ANKRD12: variants seen among roughly 807,000 people sequenced by gnomAD.
ANKRD12 encodes ankyrin repeat domain 12.
In ANKRD12, 85 loss-of-function variants were observed where a neutral mutation model predicts 183.4. The observed-to-expected ratio is 0.46, with a 90% CI of 0.39 to 0.56. The LOEUF is 0.56. Ranked by LOEUF, ANKRD12 falls within the 20% of genes least tolerant of loss-of-function variation. The pLI is 0.00. For synonymous variants in ANKRD12, 914 were observed against 800.2 expected, an observed-to-expected ratio of 1.14 and a Z score of -2.40; for missense variants, 2,405 against 2,357.1, an observed-to-expected ratio of 1.02 and a Z score of -0.42.
At chr18:9,161,807 A>G (rs1324763536) in intron 1 of ANKRD12, among the ~76,000 whole-genome samples, 8 of 151,990 alleles carry the variant, frequency 5.3e-5, no homozygotes, top group Non-Finnish European at 1.0e-4. Context: ...TAATTAACAC[A>G]TTCATTATCT....
chr18:9,146,378 G>C (rs2078493840), intron 1 of ANKRD12, among the ~76,000 whole-genome samples: 1 of 152,144 alleles, frequency 6.6e-6, no homozygotes, highest in African/African-American at 2.4e-5. Context: ...AAAATAGTGA[G>C]ACTCCATCTA....
chr18:9,252,151 GAACA>G (rs955080121), intron 8 of ANKRD12, among the ~76,000 whole-genome samples: 2 of 152,328 alleles, frequency 1.3e-5, no homozygotes, highest in African/African-American at 2.4e-5. Flanking sequence ...AAGAAAGGCA[GAACA>G]AACATTTTTT....
intron 10 of ANKRD12, among the ~76,000 whole-genome samples, chr18:9,267,811 C>CA (rs1445817052): frequency 6.6e-6 from 1 of 151,782 alleles, no homozygotes. Flanking sequence ...AAAAACCCTT[C>CA]AAAAAATCAA....
chr18:9,182,044 A>G (rs927413238), intron 1 of ANKRD12, among the ~76,000 whole-genome samples: 1 of 152,206 alleles, frequency 6.6e-6, no homozygotes, highest in African/African-American at 2.4e-5. Context: ...TTCCAAACCA[A>G]CACAAAACTA....
chr18:9,252,285 A>G (rs905966054), intron 8 of ANKRD12, among the ~76,000 whole-genome samples: 3 of 152,184 alleles, frequency 2.0e-5, no homozygotes, highest in African/African-American at 7.2e-5. Context: ...GTGAAATGGC[A>G]TCATGGAGGT....
At chr18:9,180,010 T>A (rs2033583618) in intron 1 of ANKRD12, among the ~76,000 whole-genome samples, 1 of 152,222 alleles carries the variant, frequency 6.6e-6, no homozygotes, top group Non-Finnish European at 1.5e-5. Flanking sequence ...GTTTTTCTGT[T>A]CTTATATAAT....
At chr18:9,169,307 A>C (rs1018335166) in intron 1 of ANKRD12, among the ~76,000 whole-genome samples, 7 of 152,036 alleles carry the variant, frequency 4.6e-5, no homozygotes, top group Admixed American at 4.6e-4. Context: ...CTAATGTTGA[A>C]AGTGGGGTGT....
At chr18:9,267,103 C>G (rs2039336339) in intron 10 of ANKRD12, among the ~76,000 whole-genome samples, 1 of 152,000 alleles carries the variant, frequency 6.6e-6, no homozygotes, top group African/African-American at 2.4e-5. Flanking sequence ...ACAGGAGCAC[C>G]CAGATTCATA....
chr18:9,227,122 T>C (rs1462037266), intron 8 of ANKRD12, among the ~76,000 whole-genome samples: 2 of 152,134 alleles, frequency 1.3e-5, no homozygotes, highest in Non-Finnish European at 2.9e-5. Flanking sequence ...CTAAAATATA[T>C]ATGGTTTAGG....
intron 1 of ANKRD12, among the ~76,000 whole-genome samples, chr18:9,141,619 G>A (rs2078318464): frequency 6.6e-6 from 1 of 152,158 alleles, no homozygotes; most frequent in South Asian, 2.1e-4. Context: ...GTTACAGGGT[G>A]GAAGTCATTT....
chr18:9,212,896 G>C (rs1187764961), intron 6 of ANKRD12, among the ~76,000 whole-genome samples: 1 of 151,802 alleles, frequency 6.6e-6, no homozygotes, highest in African/African-American at 2.4e-5. Context: ...TTTATGAATT[G>C]TTAGATCCAC....
intron 1 of ANKRD12, 25 bp downstream of exon 1, chr18:9,136,990 G>A (rs1466610643): frequency 6.6e-6 from 1 of 152,594 alleles, no homozygotes. Flanking sequence ...GGGGGGCGTG[G>A]CGACAGGAAA....
chr18:9,216,680 C>G, intron 6 of ANKRD12, 78 bp from the exon 7 acceptor site: 5 of 1,399,580 alleles, frequency 3.6e-6, no homozygotes, highest in Non-Finnish European at 4.9e-6. Context: ...TTATATGTCA[C>G]ACATTGGTAT....
At chr18:9,279,909 G>C (rs1255471525) in intron 12 of ANKRD12, among the ~76,000 whole-genome samples, 1 of 152,138 alleles carries the variant, frequency 6.6e-6, no homozygotes, top group Non-Finnish European at 1.5e-5. Flanking sequence ...TCTGGTTATA[G>C]CTTGAACATA....
intron 10 of ANKRD12, among the ~76,000 whole-genome samples, chr18:9,274,217 GC>G (rs2039727792): frequency 6.6e-6 from 1 of 152,204 alleles, no homozygotes; most frequent in African/African-American, 2.4e-5. Flanking sequence ...ACTTCAGATT[GC>G]CTTTAGCTCA....
Position 9,255,269 on chromosome 18 carries a change from G to A in ANKRD12, c.2002G>A (p.Glu668Lys). ...GAGGGAAAAAGAAAAGCATAAAAAA[G>A]AAATTGAAGGTGAAAAGGAAAAATA... ...KEREKEKHKKEIEGEKEKYKT... is the reference protein window; with the variant it reads ...KEREKEKHKKKIEGEKEKYKT... The change falls in exon 9 of 13, where the codon GAA (glutamate) becomes AAA (lysine). Residue 668 changes from glutamate (E) to lysine (K), a missense_variant. Transcript: ENST00000262126. 6.4e-7 allele frequency: 1 copy of A among 1,570,670 alleles called. No individual in the cohort carries two copies. The highest frequency in any genetic ancestry group is 1.2e-5 in the South Asian group (1 of 82,716).
At chr18:9,162,203 C>T (rs1364796831) in intron 1 of ANKRD12, among the ~76,000 whole-genome samples, 1 of 151,796 alleles carries the variant, frequency 6.6e-6, no homozygotes, top group Admixed American at 6.6e-5. Flanking sequence ...CAACCCCTCC[C>T]TCCTAAAGGC....
At chr18:9,209,537 A>G (rs1002432087) in intron 5 of ANKRD12, among the ~76,000 whole-genome samples, 5 of 152,164 alleles carry the variant, frequency 3.3e-5, no homozygotes, top group African/African-American at 1.2e-4. Flanking sequence ...AAAAAACGGG[A>G]TGACATGGTT....
chr18:9,156,476 A>C (rs895637383), intron 1 of ANKRD12, among the ~76,000 whole-genome samples: 2 of 152,202 alleles, frequency 1.3e-5, no homozygotes, highest in African/African-American at 4.8e-5. Flanking sequence ...TTAACATATA[A>C]AGGAGTAAGA....
Sources: allele counts gnomAD v4.1 joint callset (sites outside exome capture counted in the v4.1 genomes callset), GRCh38; gene constraint gnomAD v4.1.1; transcripts MANE v1.5; gene names NCBI Gene and HGNC (gene_info 2026-07-23, HGNC 2026-07-21).